Variants in PDE4D observed in about 807,000 individuals in gnomAD.
PDE4D encodes the protein phosphodiesterase 4D.
PDE4D carries 24 observed loss-of-function variants against 87.4 expected under a neutral mutation model. The ratio of observed to expected loss-of-function variants is 0.27; its 90% CI spans 0.20 to 0.39. The LOEUF (loss-of-function observed/expected upper bound fraction) is 0.39, where lower values mean the gene tolerates loss of function less well. Among genes scored for constraint, PDE4D ranks in the 10% least tolerant of loss-of-function variants. The pLI is 1.00. For missense variants in PDE4D, 714 were observed against 1,041.0 expected, an observed-to-expected ratio of 0.69 and a Z score of 4.32; for synonymous variants, 384 against 383.2, an observed-to-expected ratio of 1.00 and a Z score of -0.02.
intron 1 of PDE4D, among the ~76,000 whole-genome samples, chr5:59,384,276 T>C (rs991960991): frequency 2.6e-5 from 4 of 152,188 alleles, no homozygotes; most frequent in African/African-American, 9.6e-5. Flanking sequence ...GGCTCTCTCT[T>C]TGTAGCTCTC....
intron 3 of PDE4D, among the ~76,000 whole-genome samples, chr5:59,936,717 A>C (rs1312485401): frequency 6.6e-6 from 1 of 152,220 alleles, no homozygotes; most frequent in African/African-American, 2.4e-5. Flanking sequence ...TATTTTAAAT[A>C]AATCATGTTT....
chr5:59,727,782 A>T (rs1170660884), intron 1 of PDE4D, among the ~76,000 whole-genome samples: 2 of 152,070 alleles, frequency 1.3e-5, no homozygotes, highest in Non-Finnish European at 2.9e-5. Flanking sequence ...AGTTGCTCAA[A>T]AGTTCAAGAG....
chr5:60,520,701 G>A (rs578024235), intron 1 of PDE4D, among the ~76,000 whole-genome samples: 4 of 152,378 alleles, frequency 2.6e-5, no homozygotes, highest in South Asian at 4.1e-4. Context: ...GCACCGCCTA[G>A]GTTGGGCACT....
intron 1 of PDE4D, among the ~76,000 whole-genome samples, chr5:59,286,236 G>T (rs1237717281): frequency 1.3e-5 from 2 of 152,182 alleles, no homozygotes; most frequent in African/African-American, 4.8e-5. Flanking sequence ...CTCACCATGT[G>T]CCAGGCACTG....
chr5:60,140,876 T>C (rs1233745711), intron 2 of PDE4D, among the ~76,000 whole-genome samples: 2 of 152,172 alleles, frequency 1.3e-5, no homozygotes, highest in Non-Finnish European at 2.9e-5. Flanking sequence ...AGGAGATTGT[T>C]TGAATGTATA....
chr5:59,997,765 T>A (rs1763645851), intron 2 of PDE4D, among the ~76,000 whole-genome samples: 1 of 152,328 alleles, frequency 6.6e-6, no homozygotes, highest in African/African-American at 2.4e-5. Context: ...GGTTCATGCT[T>A]AAGATCAGGA....
chr5:59,183,066 TC>T (rs1253215304), intron 4 of PDE4D, among the ~76,000 whole-genome samples: 1 of 152,202 alleles, frequency 6.6e-6, no homozygotes, highest in Non-Finnish European at 1.5e-5. Flanking sequence ...GTTCTGATTC[TC>T]CCAGGGTCAT....
intron 6 of PDE4D, among the ~76,000 whole-genome samples, chr5:59,038,051 TAC>T (rs1266496595): frequency 2.6e-5 from 4 of 152,184 alleles, no homozygotes; most frequent in African/African-American, 7.2e-5. Context: ...ACTAAAAACA[TAC>T]ACAATTCCAA....
At chr5:59,432,752 T>C (rs1212586511) in intron 1 of PDE4D, among the ~76,000 whole-genome samples, 2 of 152,104 alleles carry the variant, frequency 1.3e-5, no homozygotes, top group Non-Finnish European at 2.9e-5. Flanking sequence ...TATTGGGACA[T>C]AAATAAACAG....
At chr5:60,471,230 A>G (rs2150192790) in intron 1 of PDE4D, among the ~76,000 whole-genome samples, 1 of 152,292 alleles carries the variant, frequency 6.6e-6, no homozygotes, top group South Asian at 2.1e-4. Flanking sequence ...TAGAATTAGA[A>G]GTGGAGCCTG....
intron 5 of PDE4D, among the ~76,000 whole-genome samples, chr5:59,145,460 G>A (rs563530003): frequency 3.3e-5 from 5 of 152,070 alleles, no homozygotes; most frequent in African/African-American, 9.7e-5. Flanking sequence ...TGAACAGCTC[G>A]GTTACTAAAA....
intron 1 of PDE4D, among the ~76,000 whole-genome samples, chr5:60,210,814 T>C (rs998616521): frequency 6.0e-5 from 9 of 151,224 alleles, no homozygotes; most frequent in Non-Finnish European, 1.0e-4. Flanking sequence ...TAGGCTACAA[T>C]GTAGGGGAAG....
chr5:60,263,862 A>G (rs1230306223), intron 1 of PDE4D, among the ~76,000 whole-genome samples: 3 of 152,226 alleles, frequency 2.0e-5, no homozygotes, highest in Admixed American at 2.0e-4. Context: ...AGCAAAAATT[A>G]GTAAAATTAA....
chr5:59,188,608 T>C (rs1743463120), intron 3 of PDE4D, among the ~76,000 whole-genome samples: 1 of 152,088 alleles, frequency 6.6e-6, no homozygotes, highest in African/African-American at 2.4e-5. Context: ...CCATATACAC[T>C]TGTTACCACT....
chr5:59,109,225 G>A (rs1305457497), intron 5 of PDE4D, among the ~76,000 whole-genome samples: 1 of 152,032 alleles, frequency 6.6e-6, no homozygotes, highest in African/African-American at 2.4e-5. Context: ...AATCCTGTAT[G>A]TGCCATACAT....
intron 1 of PDE4D, among the ~76,000 whole-genome samples, chr5:59,456,729 T>C (rs1053738943): frequency 2.0e-5 from 3 of 152,248 alleles, no homozygotes; most frequent in East Asian, 1.9e-4. Flanking sequence ...ACATTCATGA[T>C]TCATGGGAGG....
At chr5:60,458,268 T>C (rs1180511067) in intron 1 of PDE4D, among the ~76,000 whole-genome samples, 1 of 150,460 alleles carries the variant, frequency 6.6e-6, no homozygotes. Context: ...ATGCTTGTAG[T>C]CCCAGCTACT....
At chr5:59,598,449 A>G (rs1262474357) in intron 1 of PDE4D, among the ~76,000 whole-genome samples, 1 of 152,108 alleles carries the variant, frequency 6.6e-6, no homozygotes. Flanking sequence ...GAAATTCCCA[A>G]CTCATTTTCA....
chr5:59,919,429 TAGATATGAA>T (rs1419231331), intron 3 of PDE4D, among the ~76,000 whole-genome samples: 1 of 152,216 alleles, frequency 6.6e-6, no homozygotes, highest in Non-Finnish European at 1.5e-5. Flanking sequence ...ATTCTTTCAT[TAGATATGAA>T]AGAATTCCAG....
Sources: gnomAD v4.1 joint callset for allele counts (sites outside exome capture counted in the v4.1 genomes callset) on GRCh38, gnomAD v4.1.1 for gene constraint, MANE v1.5 for transcripts, NCBI Gene and HGNC (gene_info 2026-07-23, HGNC 2026-07-21) for gene names.